CNTN5: variants seen among roughly 807,000 people sequenced by gnomAD.
The protein encoded by CNTN5 is contactin-5.
A neutral mutation model predicts 129.1 loss-of-function variants in CNTN5; 77 were observed. That is an observed-to-expected ratio of 0.60 (90% CI 0.50 to 0.72). CNTN5 has a LOEUF of 0.72. CNTN5 is among the 30% of genes least tolerant of loss of function. CNTN5 has a pLI of 0.00. For synonymous variants in CNTN5, 509 were observed against 465.6 expected (o/e 1.09, Z -1.20); for missense variants, 1,478 against 1,328.8 (o/e 1.11, Z -1.75).
chr11:99,042,801 T>C (rs1864057491), intron 1 of CNTN5, among the ~76,000 whole-genome samples: 2 of 148,634 alleles, frequency 1.3e-5, no homozygotes, highest in South Asian at 4.1e-4. Flanking sequence ...TGGATGAGCA[T>C]AGACGCAGTC....
At chr11:99,662,627 C>A (rs676649) in intron 3 of CNTN5, among the ~76,000 whole-genome samples, 14 of 152,110 alleles carry the variant, frequency 9.2e-5, no homozygotes, top group African/African-American at 3.4e-4. Flanking sequence ...AGTAATAAAC[C>A]TTTAACATAT....
intron 9 of CNTN5, among the ~76,000 whole-genome samples, chr11:100,022,884 G>C (rs1941231500): frequency 6.6e-6 from 1 of 152,016 alleles, no homozygotes; most frequent in Non-Finnish European, 1.5e-5. Context: ...CAAGAATTCA[G>C]CTGTTACTCT....
At chr11:100,027,901 G>A (rs543569337) in intron 9 of CNTN5, among the ~76,000 whole-genome samples, 1 of 152,112 alleles carries the variant, frequency 6.6e-6, no homozygotes, top group African/African-American at 2.4e-5. Context: ...CATGTATTTT[G>A]TGTAGTATTT....
intron 3 of CNTN5, among the ~76,000 whole-genome samples, chr11:99,757,874 G>A (rs1482978477): frequency 6.6e-6 from 1 of 151,982 alleles, no homozygotes; most frequent in African/African-American, 2.4e-5. Flanking sequence ...AATGATATTT[G>A]TGAATTAACC....
chr11:100,323,644 C>T (rs199922540), intron 21 of CNTN5, among the ~76,000 whole-genome samples: 5,380 of 151,886 alleles, frequency 0.035, 331 homozygotes, highest in African/African-American at 0.12. Flanking sequence ...CCTCCCCCCC[C>T]CTTCTTTTCA....
At chr11:100,266,611 G>A (rs1950307400) in intron 17 of CNTN5, among the ~76,000 whole-genome samples, 1 of 142,310 alleles carries the variant, frequency 7.0e-6, no homozygotes, top group African/African-American at 2.6e-5. Flanking sequence ...AAGCAACAGG[G>A]AATTTAGAAT....
At chr11:99,111,753 A>C (rs1857805978) in intron 1 of CNTN5, among the ~76,000 whole-genome samples, 2 of 152,078 alleles carry the variant, frequency 1.3e-5, no homozygotes, top group African/African-American at 4.8e-5. Context: ...AAAGTGTACT[A>C]GCCTGCTGAT....
chr11:100,131,455 G>A (rs2138209776), intron 13 of CNTN5, among the ~76,000 whole-genome samples: 1 of 152,142 alleles, frequency 6.6e-6, no homozygotes, highest in East Asian at 1.9e-4. Flanking sequence ...TAATAGTTAA[G>A]TTTTCAACAT....
chr11:100,121,698 T>A (rs1946028610), intron 13 of CNTN5, among the ~76,000 whole-genome samples: 1 of 152,196 alleles, frequency 6.6e-6, no homozygotes, highest in African/African-American at 2.4e-5. Flanking sequence ...TGCCAGGCAC[T>A]GATTGATGTC....
intron 8 of CNTN5, among the ~76,000 whole-genome samples, chr11:99,964,795 T>C (rs1477977354): frequency 6.6e-6 from 1 of 152,076 alleles, no homozygotes; most frequent in Non-Finnish European, 1.5e-5. Context: ...GTCCTGGACT[T>C]TTTTTTGGTT....
At chr11:99,954,309 A>T (rs1481361823) in intron 7 of CNTN5, among the ~76,000 whole-genome samples, 1 of 152,228 alleles carries the variant, frequency 6.6e-6, no homozygotes, top group Non-Finnish European at 1.5e-5. Context: ...CTGAAGAATC[A>T]GACCAAGAAC....
intron 4 of CNTN5, among the ~76,000 whole-genome samples, chr11:99,835,696 A>G (rs1947280710): frequency 6.6e-6 from 1 of 152,208 alleles, no homozygotes; most frequent in Non-Finnish European, 1.5e-5. Flanking sequence ...GGCCATGTGA[A>G]GAAGGCTTGG....
intron 3 of CNTN5, among the ~76,000 whole-genome samples, chr11:99,595,529 G>C (rs1950099509): frequency 6.6e-6 from 1 of 151,862 alleles, no homozygotes; most frequent in African/African-American, 2.4e-5. Context: ...AAAAATAATA[G>C]GTAAAGTGCA....
intron 1 of CNTN5, among the ~76,000 whole-genome samples, chr11:99,210,523 G>T (rs564687963): frequency 6.6e-6 from 1 of 152,062 alleles, no homozygotes; most frequent in African/African-American, 2.4e-5. Flanking sequence ...CTATGTTAGA[G>T]ATTGGGAAGT....
intron 9 of CNTN5, among the ~76,000 whole-genome samples, chr11:100,050,497 G>A (rs1942898825): frequency 6.6e-6 from 1 of 151,862 alleles, no homozygotes; most frequent in African/African-American, 2.4e-5. Context: ...AGGGGGGAGG[G>A]ATAGCTTTAG....
intron 13 of CNTN5, 158 bp downstream of exon 13, chr11:100,074,452 C>T: frequency 1.6e-6 from 1 of 621,710 alleles, no homozygotes; most frequent in Non-Finnish European, 2.6e-6. Flanking sequence ...TTTAAAAGAA[C>T]CCAAAGTTTG....
At chr11:99,409,222 T>G (rs113256052) in intron 2 of CNTN5, among the ~76,000 whole-genome samples, 4,596 of 152,314 alleles carry the variant, frequency 0.03, 221 homozygotes, top group African/African-American at 0.1. Context: ...CCCAGCACTT[T>G]GGGAGGCCAT....
At chr11:99,836,351 T>A (rs967778326) in intron 4 of CNTN5, among the ~76,000 whole-genome samples, 1 of 147,772 alleles carries the variant, frequency 6.8e-6, no homozygotes, top group African/African-American at 2.5e-5. Flanking sequence ...GTCGAAGTGT[T>A]CTCATTGTTC....
intron 9 of CNTN5, among the ~76,000 whole-genome samples, chr11:100,032,422 T>A (rs1457868910): frequency 6.6e-6 from 1 of 152,078 alleles, no homozygotes; most frequent in Non-Finnish European, 1.5e-5. Context: ...AAGACAGTTA[T>A]AAATTTAAAA....
Sources: gnomAD v4.1 joint callset for allele counts (sites outside exome capture counted in the v4.1 genomes callset) on GRCh38, gnomAD v4.1.1 for gene constraint, MANE v1.5 for transcripts, NCBI Gene and HGNC (gene_info 2026-07-23, HGNC 2026-07-21) for gene names.